Variants in ARHGAP26 observed in about 807,000 individuals in gnomAD.
ARHGAP26 encodes the protein Rho GTPase activating protein 26, also known as rho GTPase-activating protein 26.
In ARHGAP26, 38 loss-of-function variants were observed where a neutral mutation model predicts 104.8. The ratio of observed to expected loss-of-function variants is 0.36; its 90% CI spans 0.28 to 0.48. The LOEUF is 0.48. ARHGAP26 is among the 20% of genes least tolerant of loss of function. The probability of loss-of-function intolerance (pLI) is 0.99; values close to 1 mark genes in which losing one functional copy is unlikely to be tolerated. For synonymous variants in ARHGAP26, 341 were observed against 340.0 expected, an observed-to-expected ratio of 1.00 and a Z score of -0.03; for missense variants, 704 against 947.9, an observed-to-expected ratio of 0.74 and a Z score of 3.38.
intron 3 of ARHGAP26, among the ~76,000 whole-genome samples, chr5:142,878,509 A>G (rs950953621): frequency 3.3e-5 from 5 of 150,970 alleles, no homozygotes; most frequent in African/African-American, 1.2e-4. Context: ...AGCCTTTACA[A>G]GATACTGATG....
intron 11 of ARHGAP26, among the ~76,000 whole-genome samples, chr5:142,958,894 C>T (rs564548631): frequency 8.0e-4 from 107 of 133,768 alleles, no homozygotes; most frequent in Middle Eastern, 8.9e-3. Context: ...CACAGTGAGA[C>T]GCTGTCTCTT....
chr5:143,207,557 G>T, intron 21 of ARHGAP26: 5 of 1,509,118 alleles, frequency 3.3e-6, no homozygotes, highest in Non-Finnish European at 4.5e-6. Flanking sequence ...GCTCTCCTGT[G>T]GTTCCATCCT....
At chr5:143,109,237 G>A (rs1192327558) in intron 17 of ARHGAP26, among the ~76,000 whole-genome samples, 1 of 152,146 alleles carries the variant, frequency 6.6e-6, no homozygotes, top group East Asian at 1.9e-4. Flanking sequence ...AGGCTTCCCA[G>A]TAGAGGTCTC....
At chr5:143,017,577 C>A (rs1256075570) in intron 12 of ARHGAP26, among the ~76,000 whole-genome samples, 1 of 152,108 alleles carries the variant, frequency 6.6e-6, no homozygotes, top group African/African-American at 2.4e-5. Context: ...AAATGTGTGT[C>A]TTTTATCTTC....
chr5:142,867,940 C>T (rs1397966960), intron 1 of ARHGAP26: 1 of 152,044 alleles, frequency 6.6e-6, no homozygotes. Context: ...TGCCCAACTT[C>T]CTCTCTCTTT....
In ARHGAP26 at chr5:143,094,318, C is replaced by T. The variant is rs117762306; in HGVS notation, c.1539-26670C>T. The stretch of plus-strand genomic sequence containing the variant: ...AGTCGTTGCCACAGTATGTGAGGAT[C>T]CTTTAAGCTAGGTTGCTGGTCAGTT... On this transcript the variant is annotated intron_variant, in intron 17 of 22. Transcript: ENST00000645722. Among the ~76,000 whole-genome samples, 540 of 152,316 alleles carry T rather than the reference C, an allele frequency of 3.5e-3. 22 individuals are homozygous for T. The East Asian group carries it at 0.075, about 21-fold the overall frequency.
chr5:142,898,957 G>C (rs184552266), intron 6 of ARHGAP26, among the ~76,000 whole-genome samples: 1 of 152,282 alleles, frequency 6.6e-6, no homozygotes, highest in East Asian at 1.9e-4. Flanking sequence ...TGAAGTCAAG[G>C]TTTTGGCACC....
intron 12 of ARHGAP26, among the ~76,000 whole-genome samples, 193 bp from the exon 13 acceptor site, chr5:143,037,003 C>G (rs774818440): frequency 2.0e-5 from 3 of 152,152 alleles, no homozygotes; most frequent in African/African-American, 7.2e-5. Flanking sequence ...AAAACCATAC[C>G]TAGCATATGG....
At position 142,902,096 on chromosome 5, in the gene ARHGAP26, G is replaced by A. The variant is rs895125249; in HGVS notation, c.702+57G>A. 2.7e-6 allele frequency: 4 copies of A among 1,475,800 alleles called. No individual in the cohort carries two copies. In the Admixed American group the frequency reaches 5.2e-5, roughly 19 times the overall value. The allele number at this position is 1,475,800 out of a possible 1,614,324, so 91.4% of individuals were successfully genotyped here. A position where few individuals can be genotyped will look rare whatever the true frequency, so the allele number is the denominator to read the frequency against. On this transcript the variant is annotated intron_variant, in intron 7 of 22. Transcript: ENST00000645722. ...CTGGTTAAGGAAAAACAAAATATGG[G>A]CCTGATTGCCCTAGAAACCATCCAG...
At chr5:142,772,778 G>A (rs777921642) in intron 1 of ARHGAP26, 4 of 533,342 alleles carry the variant, frequency 7.5e-6, no homozygotes, top group African/African-American at 1.9e-5. Context: ...TCACTTGCCC[G>A]GAATGGAACC....
chr5:142,917,240 T>C (rs1598229396), intron 10 of ARHGAP26, among the ~76,000 whole-genome samples: 1 of 152,164 alleles, frequency 6.6e-6, no homozygotes, highest in South Asian at 2.1e-4. Flanking sequence ...GGTTTCGCCA[T>C]GTTGACCAGG....
At chr5:143,055,463 T>G (rs1303792152) in intron 15 of ARHGAP26, among the ~76,000 whole-genome samples, 1 of 152,240 alleles carries the variant, frequency 6.6e-6, no homozygotes, top group Admixed American at 6.5e-5. Context: ...GTTTCTTATT[T>G]GAACTATCAG....
intron 11 of ARHGAP26, among the ~76,000 whole-genome samples, chr5:142,941,006 C>G (rs563517610): frequency 8.1e-6 from 1 of 123,476 alleles, no homozygotes; most frequent in Non-Finnish European, 1.6e-5. Context: ...ACCCAGGAGG[C>G]GGAGCTTGCA....
intron 18 of ARHGAP26, among the ~76,000 whole-genome samples, chr5:143,128,173 G>A (rs1419316231): frequency 6.6e-6 from 1 of 152,124 alleles, no homozygotes; most frequent in African/African-American, 2.4e-5. Context: ...GATAAGGTAG[G>A]TTGTGCATTT....
chr5:143,057,541 T>C, intron 16 of ARHGAP26, 101 bp from the exon 17 acceptor site: 1 of 879,790 alleles, frequency 1.1e-6, no homozygotes, highest in South Asian at 1.5e-5. Flanking sequence ...GAGAAATCCT[T>C]GGGCTGTTAG....
At chr5:143,060,544 C>T (rs1267044686) in intron 17 of ARHGAP26, among the ~76,000 whole-genome samples, 1 of 151,924 alleles carries the variant, frequency 6.6e-6, no homozygotes. Flanking sequence ...TTGTTTCAGA[C>T]CTCAGAGGGA....
At chr5:142,893,084 A>G (rs1240132851) in intron 5 of ARHGAP26, among the ~76,000 whole-genome samples, 2 of 147,372 alleles carry the variant, frequency 1.4e-5, no homozygotes, top group East Asian at 4.0e-4. Context: ...TCCTGGGTTC[A>G]AGTGATTCTC....
At chr5:142,896,427 T>G (rs1759487534) in intron 6 of ARHGAP26, among the ~76,000 whole-genome samples, 2 of 152,226 alleles carry the variant, frequency 1.3e-5, no homozygotes, top group Non-Finnish European at 2.9e-5. Context: ...ATTTTATCTG[T>G]TGGCTTTTGC....
At chr5:142,902,568 A>C (rs1760514264) in intron 7 of ARHGAP26, among the ~76,000 whole-genome samples, 1 of 152,266 alleles carries the variant, frequency 6.6e-6, no homozygotes. Context: ...TTTGGTGCAC[A>C]GAATCCTGCG....
Sources: allele counts gnomAD v4.1 joint callset (sites outside exome capture counted in the v4.1 genomes callset), GRCh38; gene constraint gnomAD v4.1.1; transcripts MANE v1.5; gene names NCBI Gene and HGNC (gene_info 2026-07-23, HGNC 2026-07-21).